PDE3A: variants seen among roughly 807,000 people sequenced by gnomAD.
PDE3A encodes the protein cGMP-inhibited 3',5'-cyclic phosphodiesterase 3A.
PDE3A carries 43 observed loss-of-function variants against 98.3 expected under a neutral mutation model. The observed-to-expected ratio is 0.44, with a 90% CI of 0.34 to 0.56. PDE3A has a LOEUF of 0.56. Ranked by LOEUF, PDE3A falls within the 20% of genes least tolerant of loss-of-function variation. PDE3A has a pLI of 0.01. For synonymous variants in PDE3A, 663 were observed against 567.9 expected (o/e 1.17, Z -2.38); for missense variants, 1,427 against 1,440.7 (o/e 0.99, Z 0.15).
chr12:20,663,065 G>C (rs1012755700), intron 15 of PDE3A, among the ~76,000 whole-genome samples: 3 of 152,218 alleles, frequency 2.0e-5, no homozygotes, highest in African/African-American at 7.2e-5. Context: ...CCAATGTACA[G>C]CTCAGGTTGT....
chr12:20,643,323 T>C (rs113855033), intron 10 of PDE3A, among the ~76,000 whole-genome samples: 1 of 150,378 alleles, frequency 6.6e-6, no homozygotes, highest in African/African-American at 2.5e-5. Flanking sequence ...CATTTTTATG[T>C]ATTACATAGA....
intron 15 of PDE3A, among the ~76,000 whole-genome samples, chr12:20,677,352 T>G (rs1240375902): frequency 6.6e-6 from 1 of 152,186 alleles, no homozygotes; most frequent in Admixed American, 6.5e-5. Context: ...TGCTGGAGGA[T>G]TATTTTGTTC....
chr12:20,449,943 G>C (rs1447497489), intron 1 of PDE3A: 1 of 795,066 alleles, frequency 1.3e-6, no homozygotes, highest in African/African-American at 1.8e-5. Context: ...TTTCGATTCT[G>C]AAGGCCCCCT....
chr12:20,618,346 C>T (rs561362416), intron 4 of PDE3A, among the ~76,000 whole-genome samples: 83 of 141,102 alleles, frequency 5.9e-4, no homozygotes, highest in Middle Eastern at 3.5e-3. Context: ...CCTTTTAGCC[C>T]TTTTATTTAT....
intron 2 of PDE3A, among the ~76,000 whole-genome samples, chr12:20,608,551 G>A (rs1048778777): frequency 7.2e-5 from 11 of 151,898 alleles, no homozygotes; most frequent in Admixed American, 6.6e-5. Context: ...CTTATTTTCT[G>A]AATTCTTATG....
At chr12:20,631,509 T>G (rs567211032) in intron 6 of PDE3A, among the ~76,000 whole-genome samples, 1 of 152,228 alleles carries the variant, frequency 6.6e-6, no homozygotes, top group African/African-American at 2.4e-5. Context: ...AGAAGCATTG[T>G]TTTATTGTAT....
chr12:20,663,538 G>A (rs963561353), intron 15 of PDE3A, among the ~76,000 whole-genome samples: 1 of 152,148 alleles, frequency 6.6e-6, no homozygotes, highest in Non-Finnish European at 1.5e-5. Context: ...CTGGATATGA[G>A]ACATGGAGTC....
intron 1 of PDE3A, among the ~76,000 whole-genome samples, chr12:20,475,839 C>A (rs1198166549): frequency 6.6e-6 from 1 of 152,070 alleles, no homozygotes; most frequent in African/African-American, 2.4e-5. Flanking sequence ...CAGGCCGTAC[C>A]CCTAAGAAAG....
chr12:20,552,418 C>A lies in PDE3A; in HGVS notation c.961-4242C>A, dbSNP rs1301791332. Reference sequence around the variant, plus strand: ...CCCTTGGACGAAGGAGGGGAAGGACCGGATCAAGAAGCTGGGGCTGACCAT... The same window carrying A: ...CCCTTGGACGAAGGAGGGGAAGGACAGGATCAAGAAGCTGGGGCTGACCAT... On this transcript the variant is annotated intron_variant, in intron 1 of 15. Transcript: ENST00000359062. This position sits in a 1 kb window ranked among gnomAD's most constrained non-coding sequence, Gnocchi z 5.1. The A allele has an allele frequency of 6.2e-7, 1 of 1,612,746 alleles. No individual in the cohort carries two copies. Among genetic ancestry groups the A allele is most frequent in the Non-Finnish European group, 8.5e-7 (1 of 1,179,772 alleles).
intron 2 of PDE3A, among the ~76,000 whole-genome samples, chr12:20,587,295 GGAGGCAGAGGTTGCAGTGAGCT>G (rs1330285065): frequency 4.6e-5 from 7 of 152,128 alleles, no homozygotes; most frequent in Non-Finnish European, 1.0e-4. Context: ...CTTGAACGCG[GGAGGCAGAGGTTGCAGTGAGCT>G]GACATCACAC....
chr12:20,587,576 T>C (rs941927596), intron 2 of PDE3A, among the ~76,000 whole-genome samples: 2 of 152,218 alleles, frequency 1.3e-5, no homozygotes, highest in African/African-American at 4.8e-5. Flanking sequence ...CAGAAAAATA[T>C]ATTTTTTATG....
intron 1 of PDE3A, among the ~76,000 whole-genome samples, chr12:20,474,567 G>A (rs1591969310): frequency 6.6e-6 from 1 of 152,180 alleles, no homozygotes; most frequent in Non-Finnish European, 1.5e-5. Flanking sequence ...CCAAGATCAA[G>A]GTTTCAGCAG....
chr12:20,520,754 T>C (rs1327183567), intron 1 of PDE3A, among the ~76,000 whole-genome samples: 1 of 152,152 alleles, frequency 6.6e-6, no homozygotes, highest in East Asian at 1.9e-4. Context: ...CTGTCAGCCC[T>C]GTGGCAAAAG....
intron 1 of PDE3A, among the ~76,000 whole-genome samples, chr12:20,376,418 T>A (rs1336138463): frequency 6.6e-6 from 1 of 151,916 alleles, no homozygotes. Flanking sequence ...GAGCCAACTC[T>A]AAATTCTCAT....
intron 1 of PDE3A, among the ~76,000 whole-genome samples, chr12:20,511,382 A>ATCTT (rs1206476729): frequency 6.6e-6 from 1 of 150,880 alleles, no homozygotes; most frequent in Non-Finnish European, 1.5e-5. Flanking sequence ...AGCTTGGAGT[A>ATCTT]TCTTTTAGTG....
intron 2 of PDE3A, among the ~76,000 whole-genome samples, chr12:20,574,567 A>G (rs1219171760): frequency 6.6e-6 from 1 of 151,098 alleles, no homozygotes; most frequent in Admixed American, 6.6e-5. Flanking sequence ...TCTTATTTAG[A>G]TGATAGCTTT....
At position 20,552,110 on chromosome 12, in the gene PDE3A, A is replaced by G. The variant is rs956673708; in HGVS notation, c.961-4550A>G. On this transcript the variant is annotated intron_variant, in intron 1 of 15. Coordinates refer to ENST00000359062, the MANE Select transcript of PDE3A (RefSeq NM_000921.5). This position sits in a 1 kb window ranked among gnomAD's most constrained non-coding sequence, Gnocchi z 5.1. ...CTTTCCGGCAACAAGAGGACCGCGG[A>G]ACAGTCTTGTGATCAGAAACTCACC... 7 of 1,613,078 alleles carry G rather than the reference A, an allele frequency of 4.3e-6. No homozygotes were observed. Among genetic ancestry groups the G allele is most frequent in the African/African-American group, 4.0e-5 (3 of 74,880 alleles).
intron 5 of PDE3A, among the ~76,000 whole-genome samples, chr12:20,626,965 G>T (rs1592126286): frequency 6.6e-6 from 1 of 151,910 alleles, no homozygotes; most frequent in Non-Finnish European, 1.5e-5. Context: ...AACTCTAATG[G>T]TTGTGTGAAT....
At chr12:20,538,346 T>C (rs1165645436) in intron 1 of PDE3A, among the ~76,000 whole-genome samples, 2 of 152,086 alleles carry the variant, frequency 1.3e-5, no homozygotes, top group Non-Finnish European at 2.9e-5. Flanking sequence ...ATATTGCTTC[T>C]GGACAGGGAA....
Sources: gnomAD v4.1 joint callset for allele counts (sites outside exome capture counted in the v4.1 genomes callset) on GRCh38, gnomAD v4.1.1 for gene constraint, Gnocchi (gnomAD v3.1) non-coding constraint, MANE v1.5 for transcripts, NCBI Gene and HGNC (gene_info 2026-07-23, HGNC 2026-07-21) for gene names.